Variants in MROH1 observed in about 807,000 individuals in gnomAD.
The protein encoded by MROH1 is maestro heat-like repeat-containing protein family member 1.
MROH1 carries 117 observed loss-of-function variants against 116.5 expected under a neutral mutation model. That is an observed-to-expected ratio of 1.00 (90% CI 0.86 to 1.17). The LOEUF (loss-of-function observed/expected upper bound fraction) is 1.17, where lower values mean the gene tolerates loss of function less well. Among genes scored for constraint, MROH1 ranks in the 50% most tolerant of loss-of-function variants. MROH1 has a pLI of 0.00. For synonymous variants in MROH1, 921 were observed against 583.9 expected, an observed-to-expected ratio of 1.58 and a Z score of -8.32; for missense variants, 1,873 against 1,338.5, an observed-to-expected ratio of 1.40 and a Z score of -6.23.
At chr8:144,151,727 C>A (rs1261374014) in intron 1 of MROH1, among the ~76,000 whole-genome samples, 1 of 152,214 alleles carries the variant, frequency 6.6e-6, no homozygotes, top group Non-Finnish European at 1.5e-5. Context: ...CTGGAACACA[C>A]GCCCACTGGG....
At chr8:144,233,589 C>T (rs868907461) in intron 14 of MROH1, among the ~76,000 whole-genome samples, 18 of 152,102 alleles carry the variant, frequency 1.2e-4, no homozygotes, top group African/African-American at 4.1e-4. Context: ...TGTAAGTGGA[C>T]GTAAACAGCG....
In MROH1 at chr8:144,243,886, G is replaced by A. The variant is rs1453477840; in HGVS notation, c.2499G>A (p.Pro833=). Residue 833 remains proline (P), a synonymous_variant, in exon 26 of 44, where the codon CCG becomes CCA. Transcript: ENST00000326134. Reference sequence around the variant, plus strand: ...AGGAGTTCATCAGGGCAGAGCCCCCGGACTCCTTGAGGACACCTATTCGGA... The same window carrying A: ...AGGAGTTCATCAGGGCAGAGCCCCCAGACTCCTTGAGGACACCTATTCGGA... ...QMMEFIRAEP[P]DSLRTPIRKK... The A allele has an allele frequency of 2.1e-4, 164 of 780,294 alleles. 1 individual carries two copies. The highest frequency in any genetic ancestry group is 1.8e-3 in the South Asian group (137 of 74,544). 48.3% of individuals were successfully genotyped at this position (780,294 alleles called of 1,614,324 possible).
intron 4 of MROH1, among the ~76,000 whole-genome samples, chr8:144,177,975 T>TG (rs1292646620): frequency 6.6e-6 from 1 of 151,320 alleles, no homozygotes; most frequent in Non-Finnish European, 1.5e-5. Flanking sequence ...TTCTTTTTTT[T>TG]TTTTTCTTTG....
chr8:144,261,565 A>C (rs1015126935), intron 43 of MROH1, 90 bp from the exon 44 acceptor site: 224 of 699,922 alleles, frequency 3.2e-4, no homozygotes, highest in Middle Eastern at 7.3e-4. Context: ...TGAGCCTCCC[A>C]GCAGAGGCTG....
Position 144,255,592 on chromosome 8 carries a change from GCTT to G in MROH1, c.3681_3683del (p.Leu1229del). Reference sequence around the variant, plus strand: ...AGCTCTACCCCCAGCTGTTTGTGGTGCTTCTGCTGCGCGTCAGCTGCACCGTGG... The same window carrying G: ...AGCTCTACCCCCAGCTGTTTGTGGTGCTGCTGCGCGTCAGCTGCACCGTGG... On this transcript the variant is annotated inframe_deletion, in exon 35 of 44. Transcript: ENST00000326134. 1 of 779,056 alleles carries G rather than the reference GCTT, an allele frequency of 1.3e-6. No homozygotes were observed. Among genetic ancestry groups the G allele is most frequent in the Non-Finnish European group, 2.4e-6 (1 of 417,728 alleles). The allele number at this position is 779,056 out of a possible 1,614,324, so 48.3% of individuals were successfully genotyped here. A position where few individuals can be genotyped will look rare whatever the true frequency, so the allele number is the denominator to read the frequency against.
chr8:144,169,903 G>A (rs1400984788), intron 4 of MROH1, among the ~76,000 whole-genome samples: 2 of 152,098 alleles, frequency 1.3e-5, no homozygotes, highest in African/African-American at 2.4e-5. Flanking sequence ...GCACGATCTC[G>A]GCTCACTGCA....
chr8:144,235,515 C>T (rs1047788114), intron 14 of MROH1, among the ~76,000 whole-genome samples: 19 of 152,096 alleles, frequency 1.2e-4, no homozygotes, highest in African/African-American at 3.4e-4. Context: ...ACAGGTACCA[C>T]CTTCTAGTCC....
intron 14 of MROH1, among the ~76,000 whole-genome samples, chr8:144,233,669 G>C (rs945614748): frequency 6.6e-6 from 1 of 152,332 alleles, no homozygotes; most frequent in African/African-American, 2.4e-5. Context: ...GTGTGGCGCT[G>C]CCAGAATTTC....
At chr8:144,222,674 AG>A (rs1195317759) in intron 13 of MROH1, among the ~76,000 whole-genome samples, 1 of 152,066 alleles carries the variant, frequency 6.6e-6, no homozygotes, top group Non-Finnish European at 1.5e-5. Context: ...GTGTGGGAGC[AG>A]GCATAGGTGT....
At chr8:144,224,193 A>C (rs916492930) in intron 14 of MROH1, among the ~76,000 whole-genome samples, 4 of 152,214 alleles carry the variant, frequency 2.6e-5, no homozygotes, top group Non-Finnish European at 5.9e-5. Flanking sequence ...AACGTTATTA[A>C]GGTTTTCTAA....
At chr8:144,251,463 C>T (rs1016921659) in intron 33 of MROH1, 4 of 152,258 alleles carry the variant, frequency 2.6e-5, no homozygotes, top group Non-Finnish European at 1.5e-5. Flanking sequence ...GTCCCTCTTA[C>T]CTCACTTTCT....
chr8:144,234,468 T>C (rs1309702546), intron 14 of MROH1, among the ~76,000 whole-genome samples: 3 of 149,774 alleles, frequency 2.0e-5, no homozygotes, highest in African/African-American at 7.3e-5. Context: ...TTTGATGCTA[T>C]TGTAAATGGA....
chr8:144,197,417 C>CTTTTTTTTTTTTTTTTTT lies in MROH1; in HGVS notation c.949-1686_949-1669dup, dbSNP rs79749774. Among the ~76,000 whole-genome samples the CTTTTTTTTTTTTTTTTTT allele has an allele frequency of 4.7e-5, 2 of 42,458 alleles. 1 individual carries two copies. Among genetic ancestry groups the CTTTTTTTTTTTTTTTTTT allele is most frequent in the Non-Finnish European group, 7.4e-5 (2 of 27,104 alleles). 27.9% of individuals were successfully genotyped at this position (42,458 alleles called of 152,430 possible). ...AAGAGTGGGCAGGAAGCTGCAGCAT[C>CTTTTTTTTTTTTTTTTTT]TTTTTTTTTTTTTTTTTTTTTTTTT... On this transcript the variant is annotated intron_variant, in intron 10 of 43. Coordinates refer to ENST00000326134, the MANE Select transcript of MROH1 (RefSeq NM_032450.3).
At chr8:144,228,475 G>A (rs141146254) in intron 14 of MROH1, among the ~76,000 whole-genome samples, 1 of 152,082 alleles carries the variant, frequency 6.6e-6, no homozygotes, top group African/African-American at 2.4e-5. Flanking sequence ...ACAATTTCTT[G>A]TTTTTGAGAT....
chr8:144,188,449 ATTTTTTTTTTTTTTTTTTTTT>A (rs573524223), intron 7 of MROH1, among the ~76,000 whole-genome samples: 2 of 45,812 alleles, frequency 4.4e-5, no homozygotes, highest in Non-Finnish European at 7.8e-5. Context: ...CCACTGCCCA[ATTTTTTTTTTTTTTTTTTTTT>A]TTTTTTTTTT....
At chr8:144,196,877 C>T (rs572362833) in intron 10 of MROH1, among the ~76,000 whole-genome samples, 34 of 150,806 alleles carry the variant, frequency 2.3e-4, no homozygotes, top group African/African-American at 8.3e-4. Flanking sequence ...CGGTGGACCA[C>T]GAGGTCAGGA....
intron 12 of MROH1, among the ~76,000 whole-genome samples, chr8:144,210,095 C>A (rs190217049): frequency 2.0e-5 from 3 of 151,978 alleles, no homozygotes; most frequent in Non-Finnish European, 4.4e-5. Flanking sequence ...TAACAGCTAT[C>A]CTGATTTTTA....
At chr8:144,190,600 G>C (rs1186669182) in intron 7 of MROH1, among the ~76,000 whole-genome samples, 184 bp from the exon 8 acceptor site, 1 of 152,176 alleles carries the variant, frequency 6.6e-6, no homozygotes, top group African/African-American at 2.4e-5. Context: ...TTTCCAATAA[G>C]GCCATGAATT....
rs997005252 is a variant in MROH1 at position 144,250,461 on chromosome 8, G to T, written c.3428+95G>T. 4.3e-6 allele frequency: 3 copies of T among 701,550 alleles called. No individual in the cohort carries two copies. The African/African-American group carries it at 5.2e-5, about 12-fold the overall frequency. 43.5% of individuals were successfully genotyped at this position (701,550 alleles called of 1,614,324 possible). A position where few individuals can be genotyped will look rare whatever the true frequency, so the allele number is the denominator to read the frequency against. On this transcript the variant is annotated intron_variant, in intron 33 of 43. Transcript: ENST00000326134. ...AGCCCTCCACCCGGCTCTGCACCCC[G>T]ACTTTCTGCATGAGTTCCCATGGCT...
Sources: allele counts gnomAD v4.1 joint callset (sites outside exome capture counted in the v4.1 genomes callset), GRCh38; gene constraint gnomAD v4.1.1; transcripts MANE v1.5; gene names NCBI Gene and HGNC (gene_info 2026-07-23, HGNC 2026-07-21).